ARPP21: variants seen among roughly 807,000 people sequenced by gnomAD.
ARPP21 encodes the protein cAMP regulated phosphoprotein 21.
In ARPP21, 69 loss-of-function variants were observed where a neutral mutation model predicts 113.2. That is an observed-to-expected ratio of 0.61 (90% CI 0.50 to 0.74). The LOEUF is 0.74. ARPP21 is among the 30% of genes least tolerant of loss of function. ARPP21 has a pLI of 0.00. For synonymous variants in ARPP21, 368 were observed against 375.5 expected (o/e 0.98, Z 0.23); for missense variants, 1,070 against 1,037.4 (o/e 1.03, Z -0.43).
At chr3:35,644,439 G>T (rs1051743624) in intron 1 of ARPP21, among the ~76,000 whole-genome samples, 1 of 151,798 alleles carries the variant, frequency 6.6e-6, no homozygotes, top group Non-Finnish European at 1.5e-5. Flanking sequence ...AGAATAAAGT[G>T]CACGAGAAAG....
chr3:35,737,328 C>A lies in ARPP21; in HGVS notation c.1610C>A (p.Pro537Gln), dbSNP rs766229611. The A allele has an allele frequency of 3.1e-6, 5 of 1,611,644 alleles. No individual in the cohort carries two copies. Among genetic ancestry groups the A allele is most frequent in the South Asian group, 2.2e-5 (2 of 90,572 alleles). Residue 537 changes from proline to glutamine, a missense_variant, in exon 16 of 21, where the codon CCG becomes CAG. Physicochemically the swap from Pro to Gln is moderately conservative, Grantham distance 76 (BLOSUM62 -1). Transcript: ENST00000684406. ...SPQPQQQVQPPQPQMAGPLVT... is the reference protein window; with the variant it reads ...SPQPQQQVQPQQPQMAGPLVT... ...CAGCCCCAACAGCAGGTCCAGCCAC[C>A]GCAGCCACAGATGGCAGGCCCTCTG...
intron 1 of ARPP21, among the ~76,000 whole-genome samples, chr3:35,668,771 T>G (rs1433892092): frequency 2.6e-5 from 4 of 152,156 alleles, no homozygotes; most frequent in African/African-American, 9.7e-5. Flanking sequence ...GAGATTCAAG[T>G]TACTTCTCTC....
intron 1 of ARPP21, chr3:35,678,967 G>A (rs1003437508): frequency 6.6e-6 from 1 of 151,994 alleles, no homozygotes; most frequent in African/African-American, 2.4e-5. Context: ...CCGTCTCTGT[G>A]TTTGCATTCA....
intron 1 of ARPP21, among the ~76,000 whole-genome samples, chr3:35,648,385 C>G (rs1701074519): frequency 6.6e-6 from 1 of 152,116 alleles, no homozygotes; most frequent in Admixed American, 6.5e-5. Flanking sequence ...GAAGGAAAAA[C>G]CTAAAATCCT....
At chr3:35,761,955 G>A (rs573367186) in intron 19 of ARPP21, among the ~76,000 whole-genome samples, 3 of 152,008 alleles carry the variant, frequency 2.0e-5, no homozygotes, top group South Asian at 2.1e-4. Flanking sequence ...CACTGAAACC[G>A]TTGATGCCAT....
At position 35,745,606 on chromosome 3, in the gene ARPP21, G is replaced by C. The variant is rs115247419; in HGVS notation, c.2137+1641G>C. On this transcript the variant is annotated intron_variant, in intron 19 of 20. Coordinates refer to ENST00000684406, the MANE Select transcript of ARPP21 (RefSeq NM_001385562.1). Reference sequence around the variant, plus strand: ...CATAAACTCTAGATCTATGTGAGGGGATGAGAAAGTTAGATGAATATGATA... The same window carrying C: ...CATAAACTCTAGATCTATGTGAGGGCATGAGAAAGTTAGATGAATATGATA... 4.3e-3 allele frequency among the ~76,000 whole-genome samples: 651 copies of C among 152,260 alleles called. 4 individuals are homozygous for C. The highest frequency in any genetic ancestry group is 7.8e-3 in the Non-Finnish European group (533 of 68,020).
chr3:35,784,532 A>T (rs1423009744), intron 19 of ARPP21, among the ~76,000 whole-genome samples: 1 of 152,122 alleles, frequency 6.6e-6, no homozygotes, highest in African/African-American at 2.4e-5. Flanking sequence ...GAAATCATAG[A>T]CTCATGTTCT....
chr3:35,762,895 G>T (rs973478384), intron 19 of ARPP21, among the ~76,000 whole-genome samples: 18 of 152,038 alleles, frequency 1.2e-4, no homozygotes, highest in African/African-American at 4.3e-4. Context: ...ATTCAATGCT[G>T]GTGAGGAGGG....
At chr3:35,716,459 C>T (rs67742441) in intron 12 of ARPP21, among the ~76,000 whole-genome samples, 1 of 151,894 alleles carries the variant, frequency 6.6e-6, no homozygotes, top group Non-Finnish European at 1.5e-5. Context: ...CTTCAAGTAA[C>T]GTGACTAAAC....
chr3:35,690,094 C>G lies in ARPP21; in HGVS notation c.499C>G (p.Leu167Val). ...LKNNSRDRMI[L>V]LKMEQEIIDF... ...TTTATTTTGCAGGGACAGGATGATA[C>G]TTTTGAAAATGGAGCAGGAAATTAT... The change falls in exon 8 of 21, where the codon CTT (leucine) becomes GTT (valine). Residue 167 changes from leucine to valine, a missense_variant. Leu to Val is a conservative substitution (Grantham distance 32, BLOSUM62 1). Transcript: ENST00000684406. 1 of 1,451,738 alleles carries G rather than the reference C, an allele frequency of 6.9e-7. No individual in the cohort carries two copies. The highest frequency in any genetic ancestry group is 1.8e-4 in the Middle Eastern group (1 of 5,704). 89.9% of individuals were successfully genotyped at this position (1,451,738 alleles called of 1,614,324 possible).
At chr3:35,737,002 T>G (rs1468478047) in intron 15 of ARPP21, among the ~76,000 whole-genome samples, 176 bp from the exon 16 acceptor site, 1 of 152,222 alleles carries the variant, frequency 6.6e-6, no homozygotes, top group Non-Finnish European at 1.5e-5. Context: ...TCACCTAGCT[T>G]AAGCGATGGG....
intron 9 of ARPP21, among the ~76,000 whole-genome samples, chr3:35,697,283 G>A (rs571356314): frequency 4.6e-5 from 7 of 151,686 alleles, no homozygotes; most frequent in African/African-American, 1.7e-4. Flanking sequence ...AGTGGATACA[G>A]GCCCTAGAAA....
At chr3:35,668,004 AG>A (rs1559549752) in intron 1 of ARPP21, among the ~76,000 whole-genome samples, 6 of 150,312 alleles carry the variant, frequency 4.0e-5, no homozygotes, top group African/African-American at 1.2e-4. Context: ...AAGAAGAAGA[AG>A]AAGAAGAAGA....
Position 35,743,874 on chromosome 3 carries a change from T to A in ARPP21, c.2046T>A (p.Pro682=). 1.9e-6 allele frequency: 3 copies of A among 1,614,164 alleles called. No individual in the cohort carries two copies. Among genetic ancestry groups the A allele is most frequent in the Non-Finnish European group, 8.5e-7 (1 of 1,179,968 alleles). ...ATTATTACCCATCTGGTCAGTACCCTACCTCAACCACGCAACAGTACCGGC... is the reference window on the plus strand; with the variant it reads ...ATTATTACCCATCTGGTCAGTACCCAACCTCAACCACGCAACAGTACCGGC... ...PVYYYPSGQY[P]TSTTQQYRPM... is the part of the protein sequence containing the mutation. Residue 682 remains proline (P), a synonymous_variant, in exon 19 of 21, where the codon CCT becomes CCA. Coordinates refer to ENST00000684406, the MANE Select transcript of ARPP21 (RefSeq NM_001385562.1).
chr3:35,747,019 A>G (rs1409224916), intron 19 of ARPP21, among the ~76,000 whole-genome samples: 2 of 152,276 alleles, frequency 1.3e-5, no homozygotes, highest in Non-Finnish European at 1.5e-5. Flanking sequence ...AACATGTGGA[A>G]GAGGAAGCCT....
At chr3:35,734,124 G>A (rs1223367088) in intron 15 of ARPP21, among the ~76,000 whole-genome samples, 1 of 152,152 alleles carries the variant, frequency 6.6e-6, no homozygotes, top group African/African-American at 2.4e-5. Flanking sequence ...TGTGTGCACA[G>A]CATGAGACTT....
In ARPP21 at chr3:35,663,985, G is replaced by A. The variant is rs145107039; in HGVS notation, c.-212-15802G>A. Among the ~76,000 whole-genome samples the A allele has an allele frequency of 1.2e-3, 181 of 152,278 alleles. No individual in the cohort carries two copies. The Middle Eastern group carries it at 0.037, about 31-fold the overall frequency. Reference sequence around the variant, plus strand: ...CTCTTGGAAATTGTTGCAAATGAAAGTGAACTGTCCAGTCGTCCGTGTTCT... The same window carrying A: ...CTCTTGGAAATTGTTGCAAATGAAAATGAACTGTCCAGTCGTCCGTGTTCT... On this transcript the variant is annotated intron_variant, in intron 1 of 20. Transcript: ENST00000684406.
chr3:35,714,613 T>G (rs1339627490), intron 11 of ARPP21, among the ~76,000 whole-genome samples: 1 of 152,162 alleles, frequency 6.6e-6, no homozygotes, highest in African/African-American at 2.4e-5. Context: ...GTCACCCTAT[T>G]ATAGGACCAC....
chr3:35,699,824 A>G (rs2085580483), intron 9 of ARPP21, among the ~76,000 whole-genome samples: 1 of 151,788 alleles, frequency 6.6e-6, no homozygotes, highest in Admixed American at 6.6e-5. Context: ...ATATAAGCAG[A>G]AAGCCTTTTG....
Sources: gnomAD v4.1 joint callset for allele counts (sites outside exome capture counted in the v4.1 genomes callset) on GRCh38, gnomAD v4.1.1 for gene constraint, MANE v1.5 for transcripts, NCBI Gene and HGNC (gene_info 2026-07-23, HGNC 2026-07-21) for gene names.